The following COL23A1 variants were observed in gnomAD, a reference collection of about 807,000 sequenced individuals.
COL23A1 encodes the protein collagen type XXIII alpha 1 chain, also known as collagen alpha-1(XXIII) chain.
Under a neutral mutation model 99.3 loss-of-function variants are expected in COL23A1, and 97 were observed. The ratio of observed to expected loss-of-function variants is 0.98; its 90% CI spans 0.83 to 1.16. The LOEUF is 1.16. Among genes scored for constraint, COL23A1 ranks in the 50% most tolerant of loss-of-function variants. The pLI, the probability that COL23A1 is intolerant of heterozygous loss-of-function variation, is 0.00. For synonymous variants in COL23A1, 320 were observed against 308.2 expected, an observed-to-expected ratio of 1.04 and a Z score of -0.40; for missense variants, 762 against 757.4, an observed-to-expected ratio of 1.01 and a Z score of -0.07.
chr5:178,379,629 C>T (rs1461681777), intron 2 of COL23A1, among the ~76,000 whole-genome samples: 2 of 152,134 alleles, frequency 1.3e-5, no homozygotes, highest in African/African-American at 4.8e-5. Context: ...CACCTGTAAT[C>T]CCAGGACTTT....
At chr5:178,425,279 G>A (rs1050583166) in intron 2 of COL23A1, among the ~76,000 whole-genome samples, 2 of 151,840 alleles carry the variant, frequency 1.3e-5, no homozygotes, top group African/African-American at 2.4e-5. Context: ...AAAATTAGCC[G>A]GGCATGGTAA....
chr5:178,258,407 T>TG (rs201880361), intron 12 of COL23A1, among the ~76,000 whole-genome samples: 5,993 of 141,152 alleles, frequency 0.042, 208 homozygotes, highest in Middle Eastern at 0.11. Flanking sequence ...TTTTTTTTTT[T>TG]TTTTTTGTAA....
At chr5:178,361,478 C>T (rs948437044) in intron 2 of COL23A1, among the ~76,000 whole-genome samples, 4 of 152,096 alleles carry the variant, frequency 2.6e-5, no homozygotes, top group East Asian at 3.9e-4. Context: ...CTTAGAGTCT[C>T]GCTCTCCTCA....
chr5:178,290,482 C>G (rs556391056), intron 3 of COL23A1, 113 bp from the exon 4 acceptor site: 2 of 1,393,540 alleles, frequency 1.4e-6, no homozygotes, highest in Non-Finnish European at 2.0e-6. Context: ...CACCTCTCCC[C>G]GGAAGGCTTT....
chr5:178,350,934 C>T (rs1414328141), intron 2 of COL23A1: 3 of 152,306 alleles, frequency 2.0e-5, no homozygotes, highest in African/African-American at 7.2e-5. Flanking sequence ...ACAGTCATGT[C>T]CCAGGCCGGA....
At chr5:178,486,407 G>A (rs1757629759) in intron 2 of COL23A1, among the ~76,000 whole-genome samples, 1 of 152,216 alleles carries the variant, frequency 6.6e-6, no homozygotes, top group African/African-American at 2.4e-5. Context: ...ATACCCGAGG[G>A]TGAACCGTGA....
chr5:178,318,427 G>A (rs1759093763), intron 2 of COL23A1, among the ~76,000 whole-genome samples: 1 of 152,232 alleles, frequency 6.6e-6, no homozygotes, highest in Non-Finnish European at 1.5e-5. Flanking sequence ...CTTCGGCCCA[G>A]GCAGCTGAAG....
At chr5:178,271,400 T>C (rs1756280381) in intron 5 of COL23A1, among the ~76,000 whole-genome samples, 1 of 152,216 alleles carries the variant, frequency 6.6e-6, no homozygotes, top group African/African-American at 2.4e-5. Context: ...CTTCCCTTCT[T>C]TGTCCATCTT....
chr5:178,423,395 G>A (rs760968618), intron 2 of COL23A1, among the ~76,000 whole-genome samples: 1 of 152,176 alleles, frequency 6.6e-6, no homozygotes, highest in Admixed American at 6.5e-5. Flanking sequence ...GTGATCATGA[G>A]AATGAACCAG....
At chr5:178,533,733 G>A (rs939902019) in intron 2 of COL23A1, among the ~76,000 whole-genome samples, 4 of 152,128 alleles carry the variant, frequency 2.6e-5, no homozygotes, top group African/African-American at 9.7e-5. Context: ...TCCTGACCTC[G>A]TGATCCGCCT....
intron 3 of COL23A1, among the ~76,000 whole-genome samples, chr5:178,305,903 G>T: frequency 6.6e-6 from 1 of 152,154 alleles, no homozygotes; most frequent in African/African-American, 2.4e-5. Flanking sequence ...AGGGAAGCAG[G>T]TGGCTAGATG....
At chr5:178,389,833 G>A (rs1020986563) in intron 2 of COL23A1, among the ~76,000 whole-genome samples, 6 of 152,140 alleles carry the variant, frequency 3.9e-5, no homozygotes, top group African/African-American at 9.7e-5. Context: ...GTGACGGGTG[G>A]GCACATGCAG....
At chr5:178,245,794 C>T (rs1764660512) in intron 25 of COL23A1, 148 bp downstream of exon 25, 7 of 866,812 alleles carry the variant, frequency 8.1e-6, no homozygotes, top group Non-Finnish European at 1.3e-5. Context: ...CTGGACTTGG[C>T]AATGGGGACA....
intron 2 of COL23A1, among the ~76,000 whole-genome samples, chr5:178,517,568 G>GT (rs70997606): frequency 3.6e-4 from 39 of 108,258 alleles, no homozygotes; most frequent in Admixed American, 4.5e-4. Flanking sequence ...TTTTTTTTTT[G>GT]TTTTTTTTTT....
chr5:178,565,178 G>A (rs1397289877), intron 1 of COL23A1, among the ~76,000 whole-genome samples: 1 of 152,234 alleles, frequency 6.6e-6, no homozygotes, highest in African/African-American at 2.4e-5. Context: ...ACCCACATGG[G>A]TGTTGGAATG....
At chr5:178,287,123 G>A (rs1039011695) in intron 5 of COL23A1, among the ~76,000 whole-genome samples, 1 of 152,248 alleles carries the variant, frequency 6.6e-6, no homozygotes, top group Non-Finnish European at 1.5e-5. Flanking sequence ...GCAGGAGACG[G>A]GAGCCTGACC....
At chr5:178,461,456 GA>G (rs1401854570) in intron 2 of COL23A1, among the ~76,000 whole-genome samples, 1 of 152,264 alleles carries the variant, frequency 6.6e-6, no homozygotes, top group African/African-American at 2.4e-5. Flanking sequence ...TAGCCACAGG[GA>G]GAGTCCACCC....
intron 2 of COL23A1, among the ~76,000 whole-genome samples, chr5:178,453,965 A>C (rs565723762): frequency 7.6e-4 from 116 of 152,318 alleles, no homozygotes; most frequent in South Asian, 1.2e-3. Context: ...TTGTGGCCAA[A>C]GTTTGTAAGA....
intron 17 of COL23A1, among the ~76,000 whole-genome samples, chr5:178,250,423 C>T (rs1335046394): frequency 6.6e-6 from 1 of 152,224 alleles, no homozygotes; most frequent in Non-Finnish European, 1.5e-5. Context: ...GTTGTTGGCT[C>T]TTTCTCTTGA....
Sources: allele counts gnomAD v4.1 joint callset (sites outside exome capture counted in the v4.1 genomes callset), GRCh38; gene constraint gnomAD v4.1.1; transcripts MANE v1.5; gene names NCBI Gene and HGNC (gene_info 2026-07-23, HGNC 2026-07-21).